Variants in SCAI observed in about 807,000 individuals in gnomAD.
The protein encoded by SCAI is protein SCAI.
In SCAI, 24 loss-of-function variants were observed where a neutral mutation model predicts 92.2. The ratio of observed to expected loss-of-function variants is 0.26; its 90% confidence interval spans 0.19 to 0.37. SCAI has a LOEUF of 0.37. Ranked by LOEUF, SCAI falls within the 10% of genes least tolerant of loss-of-function variation. The pLI, the probability that SCAI is intolerant of heterozygous loss-of-function variation, is 1.00. For synonymous variants in SCAI, 261 were observed against 258.6 expected, an observed-to-expected ratio of 1.01 and a Z score of -0.09; for missense variants, 450 against 736.2, an observed-to-expected ratio of 0.61 and a Z score of 4.50.
At chr9:125,002,522 G>A (rs1832383875) in intron 11 of SCAI, among the ~76,000 whole-genome samples, 1 of 129,590 alleles carries the variant, frequency 7.7e-6, no homozygotes, top group Non-Finnish European at 1.6e-5. Context: ...CACTCTTGTT[G>A]CCCAGGTTGG....
chr9:124,955,670 G>T (rs1245219260), intron 17 of SCAI, among the ~76,000 whole-genome samples: 5 of 150,494 alleles, frequency 3.3e-5, no homozygotes, highest in African/African-American at 1.2e-4. Context: ...GAAAAAAAAA[G>T]AAACAAACGG....
At chr9:125,007,574 T>C (rs1164916391) in intron 9 of SCAI, among the ~76,000 whole-genome samples, 1 of 151,948 alleles carries the variant, frequency 6.6e-6, no homozygotes, top group Non-Finnish European at 1.5e-5. Flanking sequence ...CACTTCAGCC[T>C]GGGAGGTCAA....
chr9:124,981,610 T>C (rs1440108814), intron 14 of SCAI, among the ~76,000 whole-genome samples: 1 of 152,170 alleles, frequency 6.6e-6, no homozygotes, highest in Admixed American at 6.6e-5. Flanking sequence ...TACGAAAGCA[T>C]GTGATTGTCT....
chr9:125,118,637 C>G (rs1241383270), intron 2 of SCAI, among the ~76,000 whole-genome samples: 1 of 152,064 alleles, frequency 6.6e-6, no homozygotes. Context: ...CCTATCAACC[C>G]GTCATTTAGG....
chr9:124,964,015 G>A (rs1831494754), intron 17 of SCAI, among the ~76,000 whole-genome samples: 1 of 152,024 alleles, frequency 6.6e-6, no homozygotes, highest in Non-Finnish European at 1.5e-5. Context: ...GTCATAATTT[G>A]TGTCTGACAT....
In SCAI at chr9:124,966,430, G is replaced by A. The variant is rs912116549; in HGVS notation, c.1674+4940C>T. On this transcript the variant is annotated intron_variant, in intron 17 of 17. Transcript: ENST00000336505. ...TTCTCAGCAAACTATCACAAGGACAGTTATGATTTAATATTGCATCATTAC... is the reference window on the plus strand; with the variant it reads ...TTCTCAGCAAACTATCACAAGGACAATTATGATTTAATATTGCATCATTAC... Among the ~76,000 whole-genome samples, 8 of 152,246 alleles carry A rather than the reference G, an allele frequency of 5.3e-5. No individual in the cohort carries two copies. In the South Asian group the frequency reaches 6.2e-4, roughly 12 times the overall value.
rs569303430 is a variant in SCAI, at chr9:125,080,662, T to C, written c.99-24655A>G. On this transcript the variant is annotated intron_variant, in intron 2 of 17. Coordinates refer to ENST00000336505, the MANE Select transcript of SCAI (RefSeq NM_001144877.3). ...ATTTCTTCAACTCCAAAACAGAGTT[T>C]ATATTATTTACCCCTCATAAAGGTA... 2.0e-4 allele frequency among the ~76,000 whole-genome samples: 31 copies of C among 152,352 alleles called. 1 individual carries two copies. The South Asian group carries it at 5.8e-3, about 29-fold the overall frequency.
intron 4 of SCAI, 129 bp from the exon 5 acceptor site, chr9:125,028,607 A>G: frequency 2.2e-6 from 1 of 462,250 alleles, no homozygotes; most frequent in Non-Finnish European, 3.8e-6. Flanking sequence ...TTAGATTTCA[A>G]TGTAGTCATT....
intron 2 of SCAI, among the ~76,000 whole-genome samples, chr9:125,074,358 G>C (rs1479075478): frequency 1.3e-5 from 2 of 150,900 alleles, no homozygotes; most frequent in Non-Finnish European, 3.0e-5. Flanking sequence ...CCAGGTTCAA[G>C]CGATTCTCCT....
At chr9:125,142,011 G>A (rs567356976) in intron 2 of SCAI, among the ~76,000 whole-genome samples, 36 of 152,244 alleles carry the variant, frequency 2.4e-4, no homozygotes, top group African/African-American at 8.4e-4. Flanking sequence ...CATCACTGCA[G>A]CCTTGACTTC....
chr9:125,100,193 T>C (rs1377047546), intron 2 of SCAI, among the ~76,000 whole-genome samples: 1 of 152,252 alleles, frequency 6.6e-6, no homozygotes, highest in East Asian at 1.9e-4. Flanking sequence ...CTTGTGGTGA[T>C]TGCCAACATT....
chr9:125,088,384 G>A (rs1834364597), intron 2 of SCAI, among the ~76,000 whole-genome samples: 1 of 152,160 alleles, frequency 6.6e-6, no homozygotes, highest in African/African-American at 2.4e-5. Flanking sequence ...TCTCCTGATA[G>A]TAAGTTCTCA....
At chr9:125,017,410 T>C (rs1832782662) in intron 9 of SCAI, among the ~76,000 whole-genome samples, 1 of 152,040 alleles carries the variant, frequency 6.6e-6, no homozygotes, top group African/African-American at 2.4e-5. Context: ...AAACCATAAA[T>C]GTTTCAAAAT....
intron 17 of SCAI, chr9:124,968,685 G>C: frequency 1.5e-6 from 2 of 1,361,254 alleles, no homozygotes; most frequent in Non-Finnish European, 2.1e-6. Flanking sequence ...CAAAGTTCCC[G>C]ATTTCCTCAA....
chr9:125,142,836 C>T (rs189913369), intron 1 of SCAI, among the ~76,000 whole-genome samples, 159 bp from the exon 2 acceptor site: 5 of 152,234 alleles, frequency 3.3e-5, no homozygotes, highest in Admixed American at 3.3e-4. Flanking sequence ...CCTGTTTCCC[C>T]TATTTACCAA....
intron 9 of SCAI, among the ~76,000 whole-genome samples, chr9:125,018,160 T>C (rs965983850): frequency 1.1e-4 from 17 of 151,992 alleles, no homozygotes; most frequent in African/African-American, 4.1e-4. Flanking sequence ...AGTGGTGTGA[T>C]CTTGGCTCAC....
intron 14 of SCAI, 77 bp downstream of exon 14, chr9:124,994,857 A>G (rs923680893): frequency 2.5e-6 from 2 of 810,766 alleles, no homozygotes; most frequent in Non-Finnish European, 2.0e-6. Context: ...GCAAAATAAA[A>G]AGGCACACAT....
chr9:125,090,433 T>A, intron 2 of SCAI, among the ~76,000 whole-genome samples: 1 of 133,498 alleles, frequency 7.5e-6, no homozygotes, highest in East Asian at 2.2e-4. Flanking sequence ...GAAGAAAGAG[T>A]AAGGAGCGAT....
chr9:124,991,923 A>AT (rs1338011393), intron 14 of SCAI, among the ~76,000 whole-genome samples: 1 of 152,160 alleles, frequency 6.6e-6, no homozygotes, highest in African/African-American at 2.4e-5. Context: ...ATTTCATCTA[A>AT]TTAATTTATT....
Sources: allele counts gnomAD v4.1 joint callset (sites outside exome capture counted in the v4.1 genomes callset), GRCh38; gene constraint gnomAD v4.1.1; transcripts MANE v1.5; gene names NCBI Gene and HGNC (gene_info 2026-07-23, HGNC 2026-07-21).